ATRNL1: variants seen among roughly 807,000 people sequenced by gnomAD.
The protein encoded by ATRNL1 is attractin like 1, also known as attractin-like protein 1.
Under a neutral mutation model 182.7 loss-of-function variants are expected in ATRNL1, and 95 were observed. The observed-to-expected ratio is 0.52, with a 90% CI of 0.44 to 0.62. ATRNL1 has a LOEUF of 0.62. ATRNL1 is among the 20% of genes least tolerant of loss of function. The pLI, the probability that ATRNL1 is intolerant of heterozygous loss-of-function variation, is 0.00. For synonymous variants in ATRNL1, 576 were observed against 568.3 expected (o/e 1.01, Z -0.19); for missense variants, 1,471 against 1,679.5 (o/e 0.88, Z 2.17).
intron 18 of ATRNL1, among the ~76,000 whole-genome samples, chr10:115,318,481 A>G (rs1225510108): frequency 6.6e-6 from 1 of 151,988 alleles, no homozygotes; most frequent in African/African-American, 2.4e-5. Context: ...TCATCTTTGT[A>G]CCTCTGGTAG....
At chr10:115,204,267 T>A (rs988180403) in intron 8 of ATRNL1, among the ~76,000 whole-genome samples, 7 of 152,140 alleles carry the variant, frequency 4.6e-5, no homozygotes, top group Non-Finnish European at 7.4e-5. Context: ...CTTTCCAATT[T>A]GGATGTCTTT....
intron 19 of ATRNL1, among the ~76,000 whole-genome samples, chr10:115,363,975 T>C (rs1386164730): frequency 6.6e-6 from 1 of 152,100 alleles, no homozygotes; most frequent in Non-Finnish European, 1.5e-5. Flanking sequence ...TTTATTCTTT[T>C]GGCTTAGGAT....
intron 8 of ATRNL1, among the ~76,000 whole-genome samples, chr10:115,204,574 G>A (rs1487365279): frequency 1.3e-5 from 2 of 152,080 alleles, no homozygotes; most frequent in Admixed American, 1.3e-4. Flanking sequence ...TTCTGTTAAT[G>A]TGGTGTATCA....
intron 18 of ATRNL1, among the ~76,000 whole-genome samples, chr10:115,331,281 CA>C (rs1855207505): frequency 6.6e-6 from 1 of 152,182 alleles, no homozygotes; most frequent in Non-Finnish European, 1.5e-5. Flanking sequence ...AGGATCATCT[CA>C]ATCTCCTGAC....
At chr10:115,670,716 T>C (rs140365105) in intron 26 of ATRNL1, among the ~76,000 whole-genome samples, 40 of 152,226 alleles carry the variant, frequency 2.6e-4, no homozygotes, top group African/African-American at 8.7e-4. Flanking sequence ...TTGTTTTGAC[T>C]ATAAAATATA....
chr10:115,699,209 T>C (rs1946657544), intron 26 of ATRNL1, among the ~76,000 whole-genome samples: 1 of 152,074 alleles, frequency 6.6e-6, no homozygotes, highest in South Asian at 2.1e-4. Flanking sequence ...GAAGATTCAG[T>C]GTAGTAAAGT....
chr10:115,715,561 A>AC (rs1947222797), intron 26 of ATRNL1, among the ~76,000 whole-genome samples: 1 of 152,192 alleles, frequency 6.6e-6, no homozygotes, highest in Admixed American at 6.5e-5. Flanking sequence ...AAGGGCATTG[A>AC]CCTGTTCAGG....
At chr10:115,515,657 G>A (rs1045076162) in intron 24 of ATRNL1, among the ~76,000 whole-genome samples, 1 of 151,622 alleles carries the variant, frequency 6.6e-6, no homozygotes, top group African/African-American at 2.4e-5. Flanking sequence ...TTTCTGCTCT[G>A]TTTTGTAACA....
intron 2 of ATRNL1, among the ~76,000 whole-genome samples, chr10:115,120,924 G>A (rs1366209618): frequency 6.6e-6 from 1 of 152,060 alleles, no homozygotes; most frequent in African/African-American, 2.4e-5. Context: ...AATTTAAATA[G>A]TTTTTTAGTG....
intron 28 of ATRNL1, among the ~76,000 whole-genome samples, chr10:115,894,299 G>A (rs540469967): frequency 2.6e-5 from 4 of 152,280 alleles, no homozygotes; most frequent in Admixed American, 1.3e-4. Context: ...CTTGTGTTCC[G>A]TCTTCCTAAT....
chr10:115,587,180 A>G (rs61882989), intron 26 of ATRNL1, among the ~76,000 whole-genome samples: 65,179 of 143,016 alleles, frequency 0.46, 16,267 homozygotes, highest in East Asian at 0.82. Context: ...GGACATTTAA[A>G]TCTGCAGAGG....
At chr10:115,895,830 A>T (rs961962583) in intron 28 of ATRNL1, among the ~76,000 whole-genome samples, 7 of 152,224 alleles carry the variant, frequency 4.6e-5, no homozygotes, top group Non-Finnish European at 1.0e-4. Flanking sequence ...AACGGAGCTG[A>T]TGCTTGAACT....
chr10:115,498,798 TA>T (rs1291170730), intron 24 of ATRNL1, among the ~76,000 whole-genome samples: 19 of 152,152 alleles, frequency 1.2e-4, no homozygotes, highest in South Asian at 2.1e-4. Context: ...ATATATGCAT[TA>T]AAAAATTAAT....
chr10:115,209,459 A>G (rs1190229646), intron 8 of ATRNL1, among the ~76,000 whole-genome samples: 3 of 149,028 alleles, frequency 2.0e-5, no homozygotes, highest in Non-Finnish European at 3.0e-5. Context: ...TGTTTGTGGC[A>G]GGAAGTGTTT....
At chr10:115,808,886 G>A (rs1555086269) in intron 27 of ATRNL1, among the ~76,000 whole-genome samples, 1 of 152,000 alleles carries the variant, frequency 6.6e-6, no homozygotes, top group African/African-American at 2.4e-5. Context: ...ATCATGCTTT[G>A]ATGTCAAACT....
At chr10:115,120,603 A>G (rs1844685961) in intron 2 of ATRNL1, among the ~76,000 whole-genome samples, 1 of 152,140 alleles carries the variant, frequency 6.6e-6, no homozygotes, top group Admixed American at 6.5e-5. Flanking sequence ...TGCTATTCAT[A>G]TAATTTAGCA....
intron 26 of ATRNL1, among the ~76,000 whole-genome samples, chr10:115,641,447 G>C (rs1859242450): frequency 6.6e-6 from 1 of 152,150 alleles, no homozygotes; most frequent in African/African-American, 2.4e-5. Flanking sequence ...AAACTGTCCA[G>C]TTAAGTTCCT....
Position 115,598,507 on chromosome 10 carries a change from G to GCA in ATRNL1, c.3795+48977_3795+48978dup, listed in dbSNP as rs577024747. On this transcript the variant is annotated intron_variant, in intron 26 of 28. Transcript: ENST00000355044. ...GCCTCCTGAGTAGCCAGGACTACAG[G>GCA]CACACACCACCACGCCTGGCTAATT... Among the ~76,000 whole-genome samples, 1,070 of 151,628 alleles carry GCA rather than the reference G, an allele frequency of 7.1e-3. 13 individuals carry two copies. The highest frequency in any genetic ancestry group is 0.025 in the African/African-American group (1,017 of 41,372).
At chr10:115,135,603 A>G (rs1370724856) in intron 5 of ATRNL1, among the ~76,000 whole-genome samples, 1 of 152,216 alleles carries the variant, frequency 6.6e-6, no homozygotes, top group African/African-American at 2.4e-5. Flanking sequence ...GAAAATGGCC[A>G]TACTGCCCAA....
Sources: allele counts gnomAD v4.1 joint callset (sites outside exome capture counted in the v4.1 genomes callset), GRCh38; gene constraint gnomAD v4.1.1; transcripts MANE v1.5; gene names NCBI Gene and HGNC (gene_info 2026-07-23, HGNC 2026-07-21).